Variants in CDH18 observed in about 807,000 individuals in gnomAD.
CDH18 encodes cadherin-18.
A neutral mutation model predicts 67.9 loss-of-function variants in CDH18; 31 were observed. The observed-to-expected ratio is 0.46, with a 90% CI of 0.34 to 0.62. The LOEUF (loss-of-function observed/expected upper bound fraction) is 0.62. Among genes scored for constraint, CDH18 ranks in the 20% least tolerant of loss-of-function variants. The probability of loss-of-function intolerance (pLI) is 0.01; values close to 1 mark genes in which losing one functional copy is unlikely to be tolerated. For synonymous variants in CDH18, 362 were observed against 347.2 expected (o/e 1.04, Z -0.48); for missense variants, 890 against 975.5 (o/e 0.91, Z 1.17).
At chr5:19,790,185 T>C (rs1301194731) in intron 3 of CDH18, among the ~76,000 whole-genome samples, 1 of 152,124 alleles carries the variant, frequency 6.6e-6, no homozygotes, top group Non-Finnish European at 1.5e-5. Flanking sequence ...TATGCTTCTC[T>C]CTAAACCTTT....
At chr5:20,262,390 A>G (rs1293652831) in intron 1 of CDH18, among the ~76,000 whole-genome samples, 1 of 152,224 alleles carries the variant, frequency 6.6e-6, no homozygotes, top group Non-Finnish European at 1.5e-5. Flanking sequence ...ATGAGAACCT[A>G]AACTTGATAG....
intron 5 of CDH18, among the ~76,000 whole-genome samples, chr5:19,678,872 A>G (rs1289996204): frequency 6.6e-6 from 1 of 152,002 alleles, no homozygotes; most frequent in African/African-American, 2.4e-5. Context: ...TACCAAATGT[A>G]TAAAGAGTTG....
In CDH18 at chr5:19,660,700, G is replaced by C. The variant is rs537284133; in HGVS notation, c.644-48099C>G. Among the ~76,000 whole-genome samples the C allele has an allele frequency of 1.5e-4, 23 of 152,128 alleles. No homozygotes were observed. In the East Asian group the frequency reaches 4.5e-3, roughly 29 times the overall value. On this transcript the variant is annotated intron_variant, in intron 5 of 12. Coordinates refer to ENST00000382275, the MANE Select transcript of CDH18 (RefSeq NM_004934.5). ...AAATTATCAAGTTTAGTTAAACCAA[G>C]AAGGCAGAGTCTGTAGAAGTTTCTG...
chr5:19,754,908 T>A (rs1453901468), intron 3 of CDH18, among the ~76,000 whole-genome samples: 4 of 152,066 alleles, frequency 2.6e-5, no homozygotes, highest in African/African-American at 4.8e-5. Flanking sequence ...TGCTCCTGAA[T>A]CAGCCCTGGG....
intron 2 of CDH18, among the ~76,000 whole-genome samples, chr5:19,960,656 T>C (rs1406774730): frequency 7.8e-6 from 1 of 128,768 alleles, no homozygotes; most frequent in Non-Finnish European, 1.5e-5. Context: ...CACGTGTATA[T>C]ATATATACAC....
intron 9 of CDH18, among the ~76,000 whole-genome samples, chr5:19,530,183 A>G (rs1055335813): frequency 7.9e-5 from 12 of 152,198 alleles, no homozygotes; most frequent in Non-Finnish European, 1.6e-4. Context: ...AATTGAGAAA[A>G]TGATAGCATT....
intron 5 of CDH18, among the ~76,000 whole-genome samples, chr5:19,698,377 T>G (rs1049621067): frequency 6.6e-5 from 10 of 152,094 alleles, no homozygotes; most frequent in African/African-American, 1.7e-4. Flanking sequence ...CATAGAATTA[T>G]AAAATCTATA....
At chr5:19,528,586 A>G (rs1748110362) in intron 9 of CDH18, among the ~76,000 whole-genome samples, 1 of 151,834 alleles carries the variant, frequency 6.6e-6, no homozygotes, top group South Asian at 2.1e-4. Context: ...AGGAGTATGG[A>G]CCTAACTCTG....
intron 4 of CDH18, among the ~76,000 whole-genome samples, chr5:19,740,740 T>C (rs1482345073): frequency 6.6e-6 from 1 of 152,162 alleles, no homozygotes; most frequent in Non-Finnish European, 1.5e-5. Context: ...TATCATTTCA[T>C]CTCATGGTCA....
intron 1 of CDH18, among the ~76,000 whole-genome samples, chr5:20,445,005 T>C (rs1353075404): frequency 6.6e-6 from 1 of 152,154 alleles, no homozygotes; most frequent in African/African-American, 2.4e-5. Context: ...ATTTTAAGCT[T>C]TGTTGACCGT....
intron 1 of CDH18, among the ~76,000 whole-genome samples, chr5:20,272,087 A>G (rs1394618603): frequency 3.3e-5 from 5 of 152,150 alleles, no homozygotes; most frequent in Admixed American, 2.0e-4. Context: ...GATCAAAAAT[A>G]GGATTTGGAG....
intron 2 of CDH18, among the ~76,000 whole-genome samples, chr5:20,043,771 A>C (rs1200810199): frequency 6.6e-6 from 1 of 152,186 alleles, no homozygotes; most frequent in Non-Finnish European, 1.5e-5. Context: ...AGGAAGAGAT[A>C]AAATGGAAAG....
At chr5:19,699,611 CATGT>C (rs1337207097) in intron 5 of CDH18, among the ~76,000 whole-genome samples, 21 of 93,776 alleles carry the variant, frequency 2.2e-4, no homozygotes, top group African/African-American at 6.9e-4. Context: ...TCTCTTTCTC[CATGT>C]GTGTGTGTGT....
chr5:19,791,587 G>A (rs1776368263), intron 3 of CDH18, among the ~76,000 whole-genome samples: 2 of 152,108 alleles, frequency 1.3e-5, no homozygotes, highest in Admixed American at 1.3e-4. Flanking sequence ...CATGCTCGCT[G>A]AGTGGAAAGG....
chr5:20,065,493 C>T (rs1742903094), intron 2 of CDH18, among the ~76,000 whole-genome samples: 1 of 151,962 alleles, frequency 6.6e-6, no homozygotes, highest in Admixed American at 6.6e-5. Context: ...CACGGCTTCA[C>T]TTCAACTTAT....
intron 2 of CDH18, among the ~76,000 whole-genome samples, chr5:20,074,902 T>C (rs941247364): frequency 5.3e-5 from 8 of 152,218 alleles, no homozygotes; most frequent in Admixed American, 3.3e-4. Context: ...ATATATTAAC[T>C]GTATTAGTCG....
intron 1 of CDH18, among the ~76,000 whole-genome samples, chr5:20,300,558 C>T (rs1468642006): frequency 6.6e-6 from 1 of 152,036 alleles, no homozygotes; most frequent in African/African-American, 2.4e-5. Flanking sequence ...AGAACATTTT[C>T]ATGTAGCCCC....
At chr5:19,549,627 G>T (rs10473054) in intron 8 of CDH18, among the ~76,000 whole-genome samples, 27 of 147,188 alleles carry the variant, frequency 1.8e-4, no homozygotes, top group Non-Finnish European at 2.8e-4. Flanking sequence ...AAAGAAGGAA[G>T]GAAGAAAAAT....
chr5:20,248,254 T>C (rs1360127532), intron 2 of CDH18, among the ~76,000 whole-genome samples: 3 of 137,636 alleles, frequency 2.2e-5, no homozygotes, highest in Non-Finnish European at 5.0e-5. Context: ...GCTGACACTG[T>C]TGAGTAAGCA....
Sources: allele counts gnomAD v4.1 joint callset (sites outside exome capture counted in the v4.1 genomes callset), GRCh38; gene constraint gnomAD v4.1.1; transcripts MANE v1.5; gene names NCBI Gene and HGNC (gene_info 2026-07-23, HGNC 2026-07-21).